The following MALRD1 variants were observed in gnomAD, a reference collection of about 807,000 sequenced individuals.
The protein encoded by MALRD1 is MAM and LDL receptor class A domain containing 1, also known as MAM and LDL-receptor class A domain-containing protein 1.
In MALRD1, 247 loss-of-function variants were observed where a neutral mutation model predicts 242.1. That is an observed-to-expected ratio of 1.02 (90% CI 0.92 to 1.13). MALRD1 has a LOEUF of 1.13. MALRD1 is among the 50% of genes most tolerant of loss of function. The probability of loss-of-function intolerance (pLI) is 0.00; values close to 1 mark genes in which losing one functional copy is unlikely to be tolerated. For synonymous variants in MALRD1, 995 were observed against 866.6 expected, an observed-to-expected ratio of 1.15 and a Z score of -2.60; for missense variants, 2,989 against 2,533.1, an observed-to-expected ratio of 1.18 and a Z score of -3.86.
intron 28 of MALRD1, among the ~76,000 whole-genome samples, chr10:19,434,633 AT>A (rs1366959892): frequency 2.6e-5 from 4 of 151,838 alleles, no homozygotes; most frequent in African/African-American, 9.7e-5. Context: ...ACTCCTTTCC[AT>A]TTTTTTAAAG....
At chr10:19,666,383 G>A (rs1481943386) in intron 36 of MALRD1, among the ~76,000 whole-genome samples, 1 of 151,996 alleles carries the variant, frequency 6.6e-6, no homozygotes, top group Non-Finnish European at 1.5e-5. Context: ...TTCCATTTCA[G>A]ATATCACTGT....
chr10:19,295,811 G>A (rs1841666244), intron 21 of MALRD1, among the ~76,000 whole-genome samples: 1 of 152,112 alleles, frequency 6.6e-6, no homozygotes, highest in African/African-American at 2.4e-5. Flanking sequence ...AGAATTGCCT[G>A]GAGATTTGTT....
At chr10:19,681,621 A>G (rs1230940971) in intron 36 of MALRD1, among the ~76,000 whole-genome samples, 2 of 148,056 alleles carry the variant, frequency 1.4e-5, no homozygotes, top group South Asian at 4.3e-4. Context: ...TTAGCTCAAC[A>G]AAGTCCATTA....
chr10:19,123,653 C>T (rs1368329684), intron 6 of MALRD1, 60 bp downstream of exon 6: 1 of 1,000,936 alleles, frequency 1.0e-6, no homozygotes, highest in African/African-American at 1.7e-5. Flanking sequence ...GAGACTCAGA[C>T]CACTCACAGG....
chr10:19,684,781 G>A (rs987982380), intron 36 of MALRD1, among the ~76,000 whole-genome samples: 2 of 151,940 alleles, frequency 1.3e-5, no homozygotes, highest in Non-Finnish European at 2.9e-5. Flanking sequence ...AATATAACCT[G>A]CTAAAAAGAA....
Position 19,081,185 on chromosome 10 carries a change from C to A in MALRD1, c.341-6655C>A, listed in dbSNP as rs558418767. On this transcript the variant is annotated intron_variant, in intron 2 of 39. Transcript: ENST00000454679. ...TGGGTGAGAATGTAAATTAGTTCAA[C>A]CATTGTGGAAGACAGTGTGGCAATT... Among the ~76,000 whole-genome samples, 31 of 152,208 alleles carry A rather than the reference C, an allele frequency of 2.0e-4. No individual in the cohort carries two copies. In the Middle Eastern group the frequency reaches 0.014, roughly 67 times the overall value.
chr10:19,656,605 T>G (rs1338882146), intron 36 of MALRD1, among the ~76,000 whole-genome samples: 3 of 152,094 alleles, frequency 2.0e-5, no homozygotes, highest in Non-Finnish European at 4.4e-5. Flanking sequence ...TGACTCAAAT[T>G]AACCTTTGCC....
rs1297762607 is a variant in MALRD1 at position 19,331,533 on chromosome 10, T to C, written c.3852T>C (p.Asp1284=). 2 of 1,550,214 alleles carry C rather than the reference T, an allele frequency of 1.3e-6. No individual in the cohort carries two copies. Among genetic ancestry groups the C allele is most frequent in the African/African-American group, 1.4e-5 (1 of 73,042 alleles). ...GCATTGCCAAAGACAAGCTGTGTGA[T>C]TTTGTGAATGATTGTGCTGATAATT... ...KHCIAKDKLC[D]FVNDCADNSD... The change falls in exon 24 of 40, where the codon GAT becomes GAC. Residue 1284 remains aspartate (D), a synonymous_variant. Transcript: ENST00000454679.
chr10:19,447,386 A>AGAT (rs1835056807), intron 28 of MALRD1, among the ~76,000 whole-genome samples: 1 of 152,204 alleles, frequency 6.6e-6, no homozygotes, highest in Non-Finnish European at 1.5e-5. Flanking sequence ...TAGTAGAATG[A>AGAT]TGTCTTATAG....
At chr10:19,188,707 G>A (rs867188295) in intron 14 of MALRD1, among the ~76,000 whole-genome samples, 7 of 152,262 alleles carry the variant, frequency 4.6e-5, no homozygotes, top group Middle Eastern at 6.8e-3. Context: ...GTCAGTTCAG[G>A]TACTAGCAAC....
chr10:19,398,859 G>A (rs1846702193), intron 28 of MALRD1, among the ~76,000 whole-genome samples: 1 of 152,190 alleles, frequency 6.6e-6, no homozygotes, highest in Admixed American at 6.5e-5. Context: ...TTCTATCTGA[G>A]ACAAGTTTAG....
intron 18 of MALRD1, among the ~76,000 whole-genome samples, chr10:19,257,356 A>T: frequency 6.6e-6 from 1 of 152,170 alleles, no homozygotes; most frequent in East Asian, 1.9e-4. Flanking sequence ...AAGGACCAGA[A>T]GGGAACAACA....
intron 36 of MALRD1, among the ~76,000 whole-genome samples, chr10:19,660,142 A>G (rs1254869682): frequency 6.6e-6 from 1 of 152,164 alleles, no homozygotes; most frequent in Non-Finnish European, 1.5e-5. Flanking sequence ...GTTCTCTGCT[A>G]GGCACTGACT....
At chr10:19,275,006 G>A (rs1164781130) in intron 19 of MALRD1, among the ~76,000 whole-genome samples, 1 of 152,044 alleles carries the variant, frequency 6.6e-6, no homozygotes, top group Non-Finnish European at 1.5e-5. Context: ...TTCGGATAAG[G>A]GTCCCTCTGA....
chr10:19,172,233 G>C (rs1835046509), intron 13 of MALRD1, among the ~76,000 whole-genome samples: 1 of 148,106 alleles, frequency 6.8e-6, no homozygotes, highest in Non-Finnish European at 1.5e-5. Flanking sequence ...ATATCAGTTT[G>C]GTTAAAACCA....
At chr10:19,443,680 G>A (rs1289702597) in intron 28 of MALRD1, among the ~76,000 whole-genome samples, 2 of 152,198 alleles carry the variant, frequency 1.3e-5, no homozygotes, top group Non-Finnish European at 2.9e-5. Flanking sequence ...ACTGTGGTCT[G>A]TGAGACAGTT....
intron 32 of MALRD1, among the ~76,000 whole-genome samples, chr10:19,563,140 T>C (rs1191662238): frequency 6.6e-6 from 1 of 152,184 alleles, no homozygotes; most frequent in African/African-American, 2.4e-5. Context: ...TCTCTCTATA[T>C]ATCTGTAATT....
intron 28 of MALRD1, among the ~76,000 whole-genome samples, chr10:19,417,523 A>G (rs1477461978): frequency 6.6e-6 from 1 of 152,194 alleles, no homozygotes; most frequent in East Asian, 1.9e-4. Flanking sequence ...CAATATGGCA[A>G]GACAAACCCT....
At chr10:19,215,214 T>C (rs1837255288) in intron 18 of MALRD1, among the ~76,000 whole-genome samples, 1 of 152,202 alleles carries the variant, frequency 6.6e-6, no homozygotes, top group Non-Finnish European at 1.5e-5. Context: ...TTCTTTAAAA[T>C]TTCCATTGAG....
Sources: allele counts gnomAD v4.1 joint callset (sites outside exome capture counted in the v4.1 genomes callset), GRCh38; gene constraint gnomAD v4.1.1; transcripts MANE v1.5; gene names NCBI Gene and HGNC (gene_info 2026-07-23, HGNC 2026-07-21).